The following EEIG2 variants were observed in gnomAD, a reference collection of about 807,000 sequenced individuals.
EEIG2 encodes the protein EEIG family member 2.
At chr1:108,573,776 T>A in the EEIG2 span, among the ~76,000 whole-genome samples, 9 of 152,192 alleles carry the variant, frequency 5.9e-5, no homozygotes, top group South Asian at 1.9e-3. Context: ...CAAGAAAAGG[T>A]ATACAGCATC....
At chr1:108,584,744 A>G in the EEIG2 span, among the ~76,000 whole-genome samples, 1 of 152,234 alleles carries the variant, frequency 6.6e-6, no homozygotes, top group Admixed American at 6.6e-5. Flanking sequence ...TTGTATTGTT[A>G]AAGTATCACG....
the EEIG2 span, among the ~76,000 whole-genome samples, chr1:108,632,396 A>G: frequency 6.6e-6 from 1 of 152,102 alleles, no homozygotes; most frequent in East Asian, 1.9e-4. Flanking sequence ...TCTTCTTCTC[A>G]TGTGCACAGT....
chr1:108,561,699 C>T, the EEIG2 span, among the ~76,000 whole-genome samples: 5 of 152,172 alleles, frequency 3.3e-5, no homozygotes, highest in Non-Finnish European at 5.9e-5. Context: ...ACTGTGGTGA[C>T]ACATCAGTGG....
At chr1:108,579,738 G>GGTGTGTGTGTGTGT in the EEIG2 span, among the ~76,000 whole-genome samples, 1 of 107,974 alleles carries the variant, frequency 9.3e-6, no homozygotes, top group African/African-American at 3.8e-5. Flanking sequence ...TTGTTTTTTT[G>GGTGTGTGTGTGTGT]GTGTGTGTGT....
chr1:108,584,543 G>A, the EEIG2 span, among the ~76,000 whole-genome samples: 1 of 152,274 alleles, frequency 6.6e-6, no homozygotes, highest in Non-Finnish European at 1.5e-5. Context: ...CGCTAGCATA[G>A]CATAAGAATA....
the EEIG2 span, among the ~76,000 whole-genome samples, chr1:108,586,613 G>C: frequency 1.3e-5 from 2 of 152,076 alleles, no homozygotes; most frequent in African/African-American, 4.8e-5. Context: ...ATTTGGGAGG[G>C]CATCCTAAAG....
the EEIG2 span, among the ~76,000 whole-genome samples, chr1:108,611,317 A>T: frequency 6.6e-6 from 1 of 152,246 alleles, no homozygotes; most frequent in East Asian, 1.9e-4. Flanking sequence ...GACTGTATAT[A>T]GACTTAGCTT....
chr1:108,594,184 G>A, the EEIG2 span, among the ~76,000 whole-genome samples: 20 of 152,226 alleles, frequency 1.3e-4, no homozygotes, highest in Admixed American at 3.3e-4. Flanking sequence ...TGAGAAAGCC[G>A]CCAAGGACAG....
chr1:108,565,997 G>A, the EEIG2 span, among the ~76,000 whole-genome samples: 1 of 151,990 alleles, frequency 6.6e-6, no homozygotes, highest in Non-Finnish European at 1.5e-5. Flanking sequence ...TTATTGATCT[G>A]TACACATACA....
chr1:108,587,577 C>T, the EEIG2 span, among the ~76,000 whole-genome samples: 2 of 152,294 alleles, frequency 1.3e-5, no homozygotes, highest in South Asian at 2.1e-4. Flanking sequence ...GTTCATCCCT[C>T]CTACTCCCAA....
At chr1:108,568,179 C>G in the EEIG2 span, among the ~76,000 whole-genome samples, 3 of 152,174 alleles carry the variant, frequency 2.0e-5, no homozygotes, top group East Asian at 5.8e-4. Context: ...CACTGTATCA[C>G]TGAGCCTTAC....
At chr1:108,614,306 T>C in the EEIG2 span, among the ~76,000 whole-genome samples, 2 of 151,790 alleles carry the variant, frequency 1.3e-5, no homozygotes, top group Non-Finnish European at 2.9e-5. Flanking sequence ...TTATTAAATA[T>C]CTACCCTTGC....
At chr1:108,624,769 G>A in the EEIG2 span, 2 of 1,599,174 alleles carry the variant, frequency 1.3e-6, no homozygotes, top group Non-Finnish European at 1.7e-6. Flanking sequence ...GTGGCTTACT[G>A]GTTTTTTAAT....
chr1:108,615,948 T>C, the EEIG2 span, among the ~76,000 whole-genome samples: 1 of 151,964 alleles, frequency 6.6e-6, no homozygotes, highest in Non-Finnish European at 1.5e-5. Flanking sequence ...AATTTGGGAG[T>C]AAAGACAGAT....
the EEIG2 span, among the ~76,000 whole-genome samples, chr1:108,569,976 A>T: frequency 6.6e-6 from 1 of 152,062 alleles, no homozygotes; most frequent in Non-Finnish European, 1.5e-5. Flanking sequence ...TCACCATCCC[A>T]CTGTGATTTC....
chr1:108,597,972 C>T, the EEIG2 span, among the ~76,000 whole-genome samples: 1 of 152,090 alleles, frequency 6.6e-6, no homozygotes, highest in Non-Finnish European at 1.5e-5. Context: ...GTTGGGAGCT[C>T]CGGACACCAT....
the EEIG2 span, among the ~76,000 whole-genome samples, chr1:108,601,698 A>G: frequency 2.0e-5 from 3 of 152,228 alleles, no homozygotes; most frequent in Non-Finnish European, 2.9e-5. Flanking sequence ...TTAGAAAAAT[A>G]GGCAAGGGGC....
At chr1:108,586,636 A>G in the EEIG2 span, among the ~76,000 whole-genome samples, 1 of 152,236 alleles carries the variant, frequency 6.6e-6, no homozygotes, top group South Asian at 2.1e-4. Context: ...TGGGAAAACC[A>G]CGAAGGCAGA....
the EEIG2 span, chr1:108,634,984 G>A: frequency 5.9e-6 from 5 of 848,852 alleles, no homozygotes; most frequent in South Asian, 1.6e-5. Flanking sequence ...GCCTTTAAAC[G>A]TTATGGAAAT....
Sources: gnomAD v4.1 joint callset for allele counts (sites outside exome capture counted in the v4.1 genomes callset) on GRCh38, gnomAD v4.1.1 for gene constraint, MANE v1.5 for transcripts, NCBI Gene and HGNC (gene_info 2026-07-23, HGNC 2026-07-21) for gene names.